The following C1orf167 variants were observed in gnomAD, a reference collection of about 807,000 sequenced individuals.
C1orf167 encodes uncharacterized protein C1orf167.
A neutral mutation model predicts 176.5 loss-of-function variants in C1orf167; 153 were observed. The observed-to-expected ratio is 0.87, with a 90% CI of 0.76 to 0.99. The LOEUF (loss-of-function observed/expected upper bound fraction) is 0.99. C1orf167 is among the 50% of genes least tolerant of loss of function. The probability of loss-of-function intolerance (pLI) is 0.00; values close to 1 mark genes in which losing one functional copy is unlikely to be tolerated. For synonymous variants in C1orf167, 594 were observed against 752.7 expected (o/e 0.79, Z 3.45); for missense variants, 1,490 against 1,817.7 (o/e 0.82, Z 3.28).
intron 18 of C1orf167, 35 bp downstream of exon 18, chr1:11,788,082 G>A (rs11559040): frequency 0.17 from 221,650 of 1,281,154 alleles, 20,705 homozygotes; most frequent in South Asian, 0.27. Context: ...TGGTGGGTCC[G>A]AGGGATGGGG....
intron 13 of C1orf167, among the ~76,000 whole-genome samples, chr1:11,781,671 G>A (rs1042449449): frequency 3.9e-5 from 6 of 152,190 alleles, no homozygotes; most frequent in Non-Finnish European, 8.8e-5. Context: ...AGCAATTTGG[G>A]AGGCCCGGAC....
intron 16 of C1orf167, chr1:11,786,529 G>A (rs1643873775): frequency 6.6e-6 from 1 of 151,952 alleles, no homozygotes; most frequent in Non-Finnish European, 1.5e-5. Flanking sequence ...TCAACCTCCA[G>A]GGCTCAAACG....
rs1213029369 is a variant in C1orf167, at chr1:11,787,458, G to C, written c.3638G>C (p.Gly1213Ala). Residue 1213 changes from glycine (G) to alanine (A), a missense_variant, in exon 17 of 21, where the codon GGA (glycine) becomes GCA (alanine). Transcript: ENST00000688073. ...CCATCACTGCAGTGCAGCCTGGGTG[G>C]ACGGAGGAAGCCAAGGGGAACGGCC... The part of the protein sequence containing the change: ...PAPSLQCSLG[G>A]RRKPRGTAWA... 2.3e-6 allele frequency: 3 copies of C among 1,303,530 alleles called. No individual in the cohort carries two copies. The Admixed American group carries it at 6.9e-5, about 30-fold the overall frequency. The allele number at this position is 1,303,530 out of a possible 1,614,324, so 80.7% of individuals were successfully genotyped here. A position where few individuals can be genotyped will look rare whatever the true frequency, so the allele number is the denominator to read the frequency against.
Position 11,766,377 on chromosome 1 carries a change from C to T in C1orf167, c.591C>T (p.Gly197=). 7.9e-7 allele frequency: 1 copy of T among 1,268,192 alleles called. No homozygotes were observed. Among genetic ancestry groups the T allele is most frequent in the Non-Finnish European group, 1.0e-6 (1 of 978,328 alleles). 78.6% of individuals were successfully genotyped at this position (1,268,192 alleles called of 1,614,324 possible). ...FAPLDGHTQP[G]LRSWGGLGSW... is the part of the protein sequence containing the mutation. ...CTCTCGATGGGCATACACAGCCAGGCCTCAGATCCTGGGGTGGTCTGGGGA... is the reference window on the plus strand; with the variant it reads ...CTCTCGATGGGCATACACAGCCAGGTCTCAGATCCTGGGGTGGTCTGGGGA... Residue 197 remains glycine (G), a synonymous_variant, in exon 3 of 21, where the codon GGC becomes GGT. Transcript: ENST00000688073. The surrounding 1 kb of genome is among the most constrained non-coding windows in gnomAD (Gnocchi z 4.5).
In C1orf167 at chr1:11,768,349, G is replaced by A; in HGVS notation, c.1542+74G>A. The stretch of plus-strand genomic sequence containing the variant: ...GTCTGGGGAGGAGACTCAGTCTACG[G>A]AGAGGACACCCACTGGGCATAGGTG... On this transcript the variant is annotated intron_variant, in intron 5 of 20. Transcript: ENST00000688073. This position sits in a 1 kb window ranked among gnomAD's most constrained non-coding sequence, Gnocchi z 4.5. 1 of 1,225,440 alleles carries A rather than the reference G, an allele frequency of 8.2e-7. No homozygotes were observed. The highest frequency in any genetic ancestry group is 1.1e-6 in the Non-Finnish European group (1 of 938,864). 75.9% of individuals were successfully genotyped at this position (1,225,440 alleles called of 1,614,324 possible). A position where few individuals can be genotyped will look rare whatever the true frequency, so the allele number is the denominator to read the frequency against.
At chr1:11,788,410 A>T in intron 19 of C1orf167, 32 bp downstream of exon 19, 1 of 1,272,226 alleles carries the variant, frequency 7.9e-7, no homozygotes, top group South Asian at 1.3e-5. Flanking sequence ...CACACTGACC[A>T]TCTCCCATTT....
chr1:11,771,416 C>G, intron 6 of C1orf167, 108 bp from the exon 7 acceptor site: 1 of 513,014 alleles, frequency 1.9e-6, no homozygotes, highest in Non-Finnish European at 3.3e-6. Flanking sequence ...CTCAGCGCCC[C>G]CTGCTCCCAA....
intron 19 of C1orf167, 85 bp from the exon 20 acceptor site, chr1:11,788,567 C>T (rs1040027411): frequency 8.5e-7 from 1 of 1,182,814 alleles, no homozygotes. Flanking sequence ...TCTGGTGCAG[C>T]AGTGTCGGGG....
intron 12 of C1orf167, 162 bp downstream of exon 12, chr1:11,779,242 C>A: frequency 4.8e-6 from 3 of 628,988 alleles, no homozygotes; most frequent in Non-Finnish European, 6.7e-6. Context: ...GAGAGGGTGT[C>A]GGGGAGTGGT....
rs1479287596 is a variant in C1orf167, at chr1:11,766,088, A to G, written c.302A>G (p.Gln101Arg). 2 of 1,289,882 alleles carry G rather than the reference A, an allele frequency of 1.6e-6. No individual in the cohort carries two copies. Among genetic ancestry groups the G allele is most frequent in the South Asian group, 1.2e-5 (1 of 81,036 alleles). The allele number at this position is 1,289,882 out of a possible 1,614,324, so 79.9% of individuals were successfully genotyped here. A position where few individuals can be genotyped will look rare whatever the true frequency, so the allele number is the denominator to read the frequency against. The change falls in exon 3 of 21, where the codon CAG becomes CGG. Residue 101 changes from glutamine to arginine, a missense_variant. Transcript: ENST00000688073. The surrounding 1 kb of genome is among the most constrained non-coding windows in gnomAD (Gnocchi z 4.5). ...GQLVNSSFWQ[Q>R]SNLQSLARRR... is the part of the protein sequence containing the mutation. ...CTGGTCAATTCAAGCTTCTGGCAAC[A>G]GAGCAACCTGCAGTCCCTGGCCAGG...
intron 2 of C1orf167, among the ~76,000 whole-genome samples, chr1:11,765,053 C>CAAAAAAAAAAAAAAAAAAA (rs376686533): frequency 1.5e-5 from 1 of 67,460 alleles, no homozygotes; most frequent in African/African-American, 7.2e-5. Flanking sequence ...GACTCTGTCT[C>CAAAAAAAAAAAAAAAAAAA]AAAAAAAAAA....
rs1642787882 is a variant in C1orf167 at position 11,766,253 on chromosome 1, A to G, written c.467A>G (p.Gln156Arg). 1 of 1,289,754 alleles carries G rather than the reference A, an allele frequency of 7.8e-7. No individual in the cohort carries two copies. The highest frequency in any genetic ancestry group is 1.0e-6 in the Non-Finnish European group (1 of 988,838). 79.9% of individuals were successfully genotyped at this position (1,289,754 alleles called of 1,614,324 possible). A position where few individuals can be genotyped will look rare whatever the true frequency, so the allele number is the denominator to read the frequency against. ...CTTCCCTGGGGTCCTCTCCTATCCC[A>G]AGAGCCACTGGCTCGCCCATCTTCC... is the stretch of plus-strand genomic sequence containing the variant. The part of the protein sequence containing the change: ...HKLPWGPLLS[Q>R]EPLARPSSCL... Residue 156 changes from glutamine to arginine, a missense_variant, in exon 3 of 21, where the codon CAA becomes CGA. Transcript: ENST00000688073. The surrounding 1 kb of genome is among the most constrained non-coding windows in gnomAD (Gnocchi z 4.5).
chr1:11,768,893 C>T lies in C1orf167; in HGVS notation c.1543-80C>T. ...GGAATCTGATAGGCATGTGTTACTC[C>T]TGTCCCCGCCCCTGCCTGGTGTTCC... On this transcript the variant is annotated intron_variant, in intron 5 of 20. Coordinates refer to ENST00000688073, the MANE Select transcript of C1orf167 (RefSeq NM_001010881.2). This position sits in a 1 kb window ranked among gnomAD's most constrained non-coding sequence, Gnocchi z 4.5. 2.1e-6 allele frequency: 2 copies of T among 956,692 alleles called. No individual in the cohort carries two copies. The highest frequency in any genetic ancestry group is 1.2e-6 in the Non-Finnish European group (1 of 803,432). 59.3% of individuals were successfully genotyped at this position (956,692 alleles called of 1,614,324 possible).
In C1orf167 at chr1:11,787,997, T is replaced by C. The variant is rs34733339; in HGVS notation, c.3798T>C (p.Pro1266=). 7,995 of 1,303,664 alleles carry C rather than the reference T, an allele frequency of 6.1e-3. 330 individuals are homozygous for C. The African/African-American group carries it at 0.099, about 16-fold the overall frequency. The allele number at this position is 1,303,664 out of a possible 1,614,324, so 80.8% of individuals were successfully genotyped here. A position where few individuals can be genotyped will look rare whatever the true frequency, so the allele number is the denominator to read the frequency against. Residue 1266 remains proline (P), a synonymous_variant, in exon 18 of 21, where the codon CCT becomes CCC. Transcript: ENST00000688073. ...RDQGPRAHSS[P]EPRACKAQSK... ...AGGGACCAAGAGCGCACTCCAGCCCTGAGCCCAGAGCCTGCAAAGCCCAAA... is the reference window on the plus strand; with the variant it reads ...AGGGACCAAGAGCGCACTCCAGCCCCGAGCCCAGAGCCTGCAAAGCCCAAA...
intron 16 of C1orf167, chr1:11,786,142 G>A (rs1278937825): frequency 6.6e-6 from 1 of 151,976 alleles, no homozygotes; most frequent in Non-Finnish European, 1.5e-5. Flanking sequence ...TCTACCCAAA[G>A]GCATCGGTCA....
At chr1:11,782,153 G>A (rs991008165) in intron 13 of C1orf167, 36 bp from the exon 14 acceptor site, 2 of 1,237,720 alleles carry the variant, frequency 1.6e-6, no homozygotes, top group South Asian at 2.9e-5. Flanking sequence ...GCTGGGGTGA[G>A]CACCCAGTGG....
intron 17 of C1orf167, 23 bp downstream of exon 17, chr1:11,787,516 G>A (rs944104218): frequency 7.8e-7 from 1 of 1,281,876 alleles, no homozygotes; most frequent in Non-Finnish European, 1.0e-6. Context: ...TGCCCCGGGG[G>A]ACAAACGGTG....
Position 11,768,159 on chromosome 1 carries a change from C to A in C1orf167, c.1426C>A (p.Leu476Met). 2.3e-6 allele frequency: 3 copies of A among 1,287,958 alleles called. No individual in the cohort carries two copies. The South Asian group carries it at 3.7e-5, about 16-fold the overall frequency. 79.8% of individuals were successfully genotyped at this position (1,287,958 alleles called of 1,614,324 possible). A position where few individuals can be genotyped will look rare whatever the true frequency, so the allele number is the denominator to read the frequency against. ...QREPAAAAVALGRWQLLRKCL... is the reference protein window; with the variant it reads ...QREPAAAAVAMGRWQLLRKCL... ...GGAGCCAGCGGCGGCGGCAGTGGCA[C>A]TGGGCCGCTGGCAGCTGTTGCGAAA... is the stretch of plus-strand genomic sequence containing the variant. Residue 476 changes from leucine to methionine, a missense_variant, in exon 5 of 21, where the codon CTG becomes ATG. Coordinates refer to ENST00000688073, the MANE Select transcript of C1orf167 (RefSeq NM_001010881.2). This position sits in a 1 kb window ranked among gnomAD's most constrained non-coding sequence, Gnocchi z 4.5.
rs1391534117 is a variant in C1orf167, at chr1:11,766,238, G to A, written c.452G>A (p.Gly151Asp). The A allele has an allele frequency of 1.6e-6, 2 of 1,289,654 alleles. No homozygotes were observed. The highest frequency in any genetic ancestry group is 2.0e-6 in the Non-Finnish European group (2 of 988,862). The allele number at this position is 1,289,654 out of a possible 1,614,324, so 79.9% of individuals were successfully genotyped here. A position where few individuals can be genotyped will look rare whatever the true frequency, so the allele number is the denominator to read the frequency against. Residue 151 changes from glycine (G) to aspartate (D), a missense_variant, in exon 3 of 21, where the codon GGT (glycine) becomes GAT (aspartate). Physicochemically the swap from Gly to Asp is moderately conservative, Grantham distance 94. Transcript: ENST00000688073. The surrounding 1 kb of genome is among the most constrained non-coding windows in gnomAD (Gnocchi z 4.5). ...GSSGPHKLPW[G>D]PLLSQEPLAR... Reference sequence around the variant, plus strand: ...TCTGGGCCCCACAAGCTTCCCTGGGGTCCTCTCCTATCCCAAGAGCCACTG... The same window carrying A: ...TCTGGGCCCCACAAGCTTCCCTGGGATCCTCTCCTATCCCAAGAGCCACTG...
Sources: allele counts gnomAD v4.1 joint callset (sites outside exome capture counted in the v4.1 genomes callset), GRCh38; gene constraint gnomAD v4.1.1; non-coding constraint Gnocchi (gnomAD v3.1); transcripts MANE v1.5; gene names NCBI Gene and HGNC (gene_info 2026-07-23, HGNC 2026-07-21).